The following HDAC4 variants were observed in gnomAD, a reference collection of about 807,000 sequenced individuals.
HDAC4 encodes histone deacetylase 4.
HDAC4 carries 16 observed loss-of-function variants against 135.1 expected under a neutral mutation model. The observed-to-expected ratio is 0.12, with a 90% confidence interval of 0.08 to 0.18. The LOEUF is 0.18. HDAC4 is among the 10% of genes least tolerant of loss of function. The pLI is 1.00. For missense variants in HDAC4, 1,143 were observed against 1,511.8 expected (o/e 0.76, Z 4.05); for synonymous variants, 685 against 653.4 (o/e 1.05, Z -0.74).
At chr2:239,278,187 GAA>G (rs57441784) in intron 2 of HDAC4, among the ~76,000 whole-genome samples, 3,164 of 140,962 alleles carry the variant, frequency 0.022, 113 homozygotes, top group African/African-American at 0.077. Context: ...GAGAAAAAAA[GAA>G]AAAAAAAAAA....
At chr2:239,399,631 T>C (rs578197993) in intron 1 of HDAC4, among the ~76,000 whole-genome samples, 1 of 152,326 alleles carries the variant, frequency 6.6e-6, no homozygotes, top group South Asian at 2.1e-4. Flanking sequence ...CAGGACTGTT[T>C]ACAGGCTTAC....
chr2:239,381,557 A>C (rs1398277757), intron 1 of HDAC4, among the ~76,000 whole-genome samples: 1 of 152,244 alleles, frequency 6.6e-6, no homozygotes, highest in Non-Finnish European at 1.5e-5. Context: ...AAGAGTTTTC[A>C]AAATTACTAT....
At chr2:239,235,412 T>C (rs1242996465) in intron 3 of HDAC4, among the ~76,000 whole-genome samples, 1 of 152,202 alleles carries the variant, frequency 6.6e-6, no homozygotes, top group Non-Finnish European at 1.5e-5. Flanking sequence ...TGGGTCTAAC[T>C]GGGGCACCGG....
chr2:239,169,933 A>G (rs942976252), intron 5 of HDAC4, among the ~76,000 whole-genome samples: 24 of 152,226 alleles, frequency 1.6e-4, no homozygotes, highest in African/African-American at 4.1e-4. Context: ...CATCAGGCAG[A>G]TTTGGTACTC....
In HDAC4 at chr2:239,360,127, AAC is replaced by A. The variant is rs544177481; in HGVS notation, c.-219-7211_-219-7210del. 5.3e-5 allele frequency among the ~76,000 whole-genome samples: 8 copies of A among 152,330 alleles called. No homozygotes were observed. In the East Asian group the frequency reaches 1.5e-3, roughly 29 times the overall value. On this transcript the variant is annotated intron_variant, in intron 1 of 26. Coordinates refer to ENST00000543185, the MANE Select transcript of HDAC4 (RefSeq NM_001378414.1). The stretch of plus-strand genomic sequence containing the variant: ...AGGAATTAACGGAGAGTCCCTCCAG[AAC>A]ACTGTCCAACCACACCTGATGGCCT...
chr2:239,295,980 T>C (rs2051863656), intron 2 of HDAC4, among the ~76,000 whole-genome samples: 1 of 152,178 alleles, frequency 6.6e-6, no homozygotes, highest in African/African-American at 2.4e-5. Flanking sequence ...TACCAGGCAA[T>C]GGGCGCATCT....
intron 4 of HDAC4, among the ~76,000 whole-genome samples, chr2:239,177,264 C>G (rs2043834130): frequency 6.6e-6 from 1 of 152,242 alleles, no homozygotes; most frequent in Non-Finnish European, 1.5e-5. Flanking sequence ...CGCTGAGCCT[C>G]TGCACTTGCA....
intron 24 of HDAC4, among the ~76,000 whole-genome samples, chr2:239,061,302 G>A (rs982796117): frequency 1.3e-4 from 20 of 151,106 alleles, no homozygotes; most frequent in African/African-American, 4.6e-4. Context: ...TGGGTGTGCA[G>A]ATGTGTGGTG....
At chr2:239,073,495 C>T (rs541315967) in intron 22 of HDAC4, among the ~76,000 whole-genome samples, 4 of 152,348 alleles carry the variant, frequency 2.6e-5, no homozygotes, top group East Asian at 3.9e-4. Context: ...CATCGGCGTG[C>T]GAGCGTCCCT....
chr2:239,378,160 G>A (rs891760065), intron 1 of HDAC4, among the ~76,000 whole-genome samples: 8 of 152,048 alleles, frequency 5.3e-5, no homozygotes, highest in Admixed American at 1.3e-4. Context: ...GATCTGGCCC[G>A]GGAGACACCT....
At chr2:239,161,541 T>A (rs1431077845) in intron 6 of HDAC4, among the ~76,000 whole-genome samples, 1 of 152,128 alleles carries the variant, frequency 6.6e-6, no homozygotes, top group Non-Finnish European at 1.5e-5. Flanking sequence ...CTGCCACCAC[T>A]CCATGATGTT....
At chr2:239,354,277 C>G (rs1693348133) in intron 1 of HDAC4, among the ~76,000 whole-genome samples, 1 of 152,172 alleles carries the variant, frequency 6.6e-6, no homozygotes, top group Non-Finnish European at 1.5e-5. Context: ...TGTGGATAGA[C>G]AGCTGCCCCG....
At chr2:239,226,365 CTCTGTAT>C (rs2047240553) in intron 3 of HDAC4, among the ~76,000 whole-genome samples, 1 of 152,170 alleles carries the variant, frequency 6.6e-6, no homozygotes, top group Non-Finnish European at 1.5e-5. Flanking sequence ...AGTGAGATTT[CTCTGTAT>C]TCTGTATCAA....
intron 4 of HDAC4, among the ~76,000 whole-genome samples, chr2:239,184,696 G>A (rs996814725): frequency 7.8e-6 from 1 of 128,502 alleles, no homozygotes; most frequent in Non-Finnish European, 1.7e-5. Context: ...TGTCTGTCCC[G>A]GAGGATGTGT....
rs923714447 is a variant in HDAC4 at position 239,331,890 on chromosome 2, C to T, written c.22+20788G>A. On this transcript the variant is annotated intron_variant, in intron 2 of 26. Coordinates refer to ENST00000543185, the MANE Select transcript of HDAC4 (RefSeq NM_001378414.1). This position sits in a 1 kb window ranked among gnomAD's most constrained non-coding sequence, Gnocchi z 4.5. ...CCTGGGAAACGAACGCCAGACTGAG[C>T]GTGGGGGTGAGGAGAGCCCCGTGCC... Among the ~76,000 whole-genome samples, 8 of 152,090 alleles carry T rather than the reference C, an allele frequency of 5.3e-5. No individual in the cohort carries two copies. Among genetic ancestry groups the T allele is most frequent in the Non-Finnish European group, 1.0e-4 (7 of 68,028 alleles).
chr2:239,266,437 G>T lies in HDAC4; in HGVS notation c.23-29773C>A, dbSNP rs558309708. ...AGATTCACAGCCCACCTGCCCAGGG[G>T]GGCCTGGCCCTGTGCTGGCCATGCT... is the stretch of plus-strand genomic sequence containing the variant. On this transcript the variant is annotated intron_variant, in intron 2 of 26. Coordinates refer to ENST00000543185, the MANE Select transcript of HDAC4 (RefSeq NM_001378414.1). 1.4e-4 allele frequency among the ~76,000 whole-genome samples: 22 copies of T among 152,308 alleles called. No homozygotes were observed. The East Asian group carries it at 4.2e-3, about 29-fold the overall frequency.
intron 2 of HDAC4, among the ~76,000 whole-genome samples, chr2:239,328,198 C>A (rs1274405496): frequency 6.6e-6 from 1 of 152,242 alleles, no homozygotes; most frequent in Admixed American, 6.5e-5. Flanking sequence ...CCTGGAGGAG[C>A]CCTGGCGCTG....
chr2:239,344,051 T>G (rs1245311638), intron 2 of HDAC4, among the ~76,000 whole-genome samples: 1 of 152,154 alleles, frequency 6.6e-6, no homozygotes, highest in Non-Finnish European at 1.5e-5. Flanking sequence ...GGCTGATGTA[T>G]TATTATGATG....
rs376858539 is a variant in HDAC4, at chr2:239,084,142, C to A, written c.2532+13G>T. The A allele has an allele frequency of 3.1e-6, 5 of 1,603,972 alleles. No individual in the cohort carries two copies. The East Asian group carries it at 6.7e-5, about 22-fold the overall frequency. Reference sequence around the variant, plus strand: ...GCAACCTGAGCTGCGCTGGCCAAGGCGGCTCTGCTTACCCAGTCCACGATG... The same window carrying A: ...GCAACCTGAGCTGCGCTGGCCAAGGAGGCTCTGCTTACCCAGTCCACGATG... On this transcript the variant is annotated intron_variant, in intron 20 of 26. Transcript: ENST00000543185.
Sources: allele counts gnomAD v4.1 joint callset (sites outside exome capture counted in the v4.1 genomes callset), GRCh38; gene constraint gnomAD v4.1.1; non-coding constraint Gnocchi (gnomAD v3.1); transcripts MANE v1.5; gene names NCBI Gene and HGNC (gene_info 2026-07-23, HGNC 2026-07-21).